The following SLAMF8 variants were observed in gnomAD, a reference collection of about 807,000 sequenced individuals.
SLAMF8 encodes B lymphocyte activator macrophage expressed.
Under a neutral mutation model 29.0 loss-of-function variants are expected in SLAMF8, and 23 were observed. The observed-to-expected ratio is 0.79, with a 90% confidence interval of 0.57 to 1.13. The LOEUF is 1.13. SLAMF8 is among the 50% of genes most tolerant of loss of function. The probability of loss-of-function intolerance (pLI) is 0.00; values close to 1 mark genes in which losing one functional copy is unlikely to be tolerated. For missense variants in SLAMF8, 381 were observed against 353.1 expected, an observed-to-expected ratio of 1.08 and a Z score of -0.63; for synonymous variants, 139 against 145.6, an observed-to-expected ratio of 0.96 and a Z score of 0.32.
Position 159,831,347 on chromosome 1 carries a change from C to T in SLAMF8, c.367+1155C>T, listed in dbSNP as rs6427497. Among the ~76,000 whole-genome samples, 319 of 151,920 alleles carry T rather than the reference C, an allele frequency of 2.1e-3. 1 individual carries two copies. Among genetic ancestry groups the T allele is most frequent in the African/African-American group, 7.0e-3 (290 of 41,356 alleles). On this transcript the variant is annotated intron_variant, in intron 2 of 4. Transcript: ENST00000289707. ...AGACAGCTAACTGGCTGTCCTTGGG[C>T]GAGCCACTCAGGGTGCCGATGCAAT...
Position 159,835,740 on chromosome 1 carries a change from A to T in SLAMF8, c.*480A>T. On this transcript the variant is annotated 3_prime_UTR_variant, in exon 5 of 5. Transcript: ENST00000289707. The stretch of plus-strand genomic sequence containing the variant: ...CATCAGCTTCAGCCCCAGACCCTGC[A>T]GTTTGAGATCTGATGCTTCCTGAGG... 1.0e-6 allele frequency: 1 copy of T among 986,100 alleles called. No individual in the cohort carries two copies. Among genetic ancestry groups the T allele is most frequent in the Non-Finnish European group, 1.2e-6 (1 of 830,396 alleles). The allele number at this position is 986,100 out of a possible 1,614,324, so 61.1% of individuals were successfully genotyped here.
In SLAMF8 at chr1:159,829,983, T is replaced by C; in HGVS notation, c.158T>C (p.Leu53Pro). ...FQVREAIWRSLWPSEELLATF... is the reference protein window; with the variant it reads ...FQVREAIWRSPWPSEELLATF... Reference sequence around the variant, plus strand: ...GTCCGTGAGGCTATCTGGCGATCTCTCTGGCCTTCAGAAGAGCTCCTGGCC... The same window carrying C: ...GTCCGTGAGGCTATCTGGCGATCTCCCTGGCCTTCAGAAGAGCTCCTGGCC... Residue 53 changes from leucine to proline, a missense_variant, in exon 2 of 5, where the codon CTC (leucine) becomes CCC (proline). Transcript: ENST00000289707. 1 of 1,614,276 alleles carries C rather than the reference T, an allele frequency of 6.2e-7. No individual in the cohort carries two copies. Among genetic ancestry groups the C allele is most frequent in the Non-Finnish European group, 8.5e-7 (1 of 1,180,056 alleles).
At position 159,836,853 on chromosome 1, in the gene SLAMF8, C is replaced by A; in HGVS notation, c.*1593C>A. 1 of 985,574 alleles carries A rather than the reference C, an allele frequency of 1.0e-6. No homozygotes were observed. Among genetic ancestry groups the A allele is most frequent in the Non-Finnish European group, 1.2e-6 (1 of 830,006 alleles). 61.1% of individuals were successfully genotyped at this position (985,574 alleles called of 1,614,324 possible). On this transcript the variant is annotated 3_prime_UTR_variant, in exon 5 of 5. Transcript: ENST00000289707. ...CCCACACCCACTTCTCTCCTATCAC[C>A]TTCCCCCAAGATTACCTGAACAGGG...
chr1:159,830,197 G>A lies in SLAMF8; in HGVS notation c.367+5G>A, dbSNP rs762503862. 2.5e-6 allele frequency: 4 copies of A among 1,580,452 alleles called. No homozygotes were observed. Among genetic ancestry groups the A allele is most frequent in the Non-Finnish European group, 3.5e-6 (4 of 1,159,348 alleles). On this transcript the variant is annotated splice_donor_5th_base_variant and intron_variant, in intron 2 of 4. Transcript: ENST00000289707. ...CCCTCCAGCTCAAGGTGTACGGTGA[G>A]TGTGTCTGACACTGGCTGCCTGGCC... is the stretch of plus-strand genomic sequence containing the variant.
Position 159,833,459 on chromosome 1 carries a change from G to A in SLAMF8, c.781+90G>A. 3 of 1,586,064 alleles carry A rather than the reference G, an allele frequency of 1.9e-6. No homozygotes were observed. In the South Asian group the frequency reaches 3.3e-5, roughly 18 times the overall value. ...TGGACCTCCTCCTATTTAGGCTTCA[G>A]ATGGTCTGCCCCTTCCTACCTCTCC... On this transcript the variant is annotated intron_variant, in intron 4 of 4. Transcript: ENST00000289707.
rs776775306 is a variant in SLAMF8 at position 159,826,985 on chromosome 1, C to T, written c.40+47C>T. The T allele has an allele frequency of 3.1e-6, 5 of 1,611,308 alleles. No individual in the cohort carries two copies. In the Admixed American group the frequency reaches 6.7e-5, roughly 21 times the overall value. On this transcript the variant is annotated intron_variant, in intron 1 of 4. Transcript: ENST00000289707. ...CCTGTCCTCGGAGAGCTGAAGGCCC[C>T]TCCCCAGCTGCCTATGCCAGACGTC...
intron 4 of SLAMF8, chr1:159,834,859 T>C: frequency 3.9e-6 from 1 of 255,126 alleles, no homozygotes; most frequent in Non-Finnish European, 7.5e-6. Context: ...AGTAGAAAGC[T>C]CCATGCAGGG....
rs542544172 is a variant in SLAMF8 at position 159,832,116 on chromosome 1, G to A, written c.368-760G>A. 3.9e-5 allele frequency among the ~76,000 whole-genome samples: 6 copies of A among 152,130 alleles called. No homozygotes were observed. The South Asian group carries it at 1.0e-3, about 26-fold the overall frequency. ...TATAGAAAGGGGAATCCATGGCTAG[G>A]ACACCAGGATATCAGTTTGTTCAGT... On this transcript the variant is annotated intron_variant, in intron 2 of 4. Coordinates refer to ENST00000289707, the MANE Select transcript of SLAMF8 (RefSeq NM_020125.3).
intron 1 of SLAMF8, among the ~76,000 whole-genome samples, chr1:159,827,450 G>A (rs4075091): frequency 0.019 from 2,820 of 152,258 alleles, 94 homozygotes; most frequent in African/African-American, 0.064. Context: ...GAGGCTAAAT[G>A]TGGCCCACGT....
Position 159,829,732 on chromosome 1 carries a change from A to G in SLAMF8, c.41-134A>G, listed in dbSNP as rs907845297. 1.0e-5 allele frequency: 9 copies of G among 872,498 alleles called. No individual in the cohort carries two copies. The Admixed American group carries it at 2.1e-4, about 20-fold the overall frequency. The allele number at this position is 872,498 out of a possible 1,614,324, so 54.0% of individuals were successfully genotyped here. On this transcript the variant is annotated intron_variant, in intron 1 of 4. Transcript: ENST00000289707. ...ATATGTTTTATCCCTGGTACCTAGC[A>G]CAGTGCAACCTCAACTTGAGTGGAG...
chr1:159,826,874 A>G lies in SLAMF8; in HGVS notation c.-25A>G. The G allele has an allele frequency of 6.2e-7, 1 of 1,614,028 alleles. No homozygotes were observed. The highest frequency in any genetic ancestry group is 1.3e-5 in the African/African-American group (1 of 75,002). ...GGTTCTGGATTTTGGCTGTCGAGGG[A>G]GTTTGCCTGCCTCTCCAGAGAAAGA... On this transcript the variant is annotated 5_prime_UTR_variant, in exon 1 of 5. Transcript: ENST00000289707.
chr1:159,831,408 C>A (rs1647479322), intron 2 of SLAMF8, among the ~76,000 whole-genome samples: 1 of 151,940 alleles, frequency 6.6e-6, no homozygotes, highest in African/African-American at 2.4e-5. Flanking sequence ...CAGCCCTGAG[C>A]CTCATCTTGG....
chr1:159,832,762 A>G, intron 2 of SLAMF8, 114 bp from the exon 3 acceptor site: 1 of 1,198,168 alleles, frequency 8.3e-7, no homozygotes, highest in Non-Finnish European at 1.2e-6. Flanking sequence ...AGATTTTGGA[A>G]CAAGAGAGGC....
intron 1 of SLAMF8, among the ~76,000 whole-genome samples, chr1:159,828,812 A>AAG (rs971071628): frequency 1.3e-5 from 2 of 151,642 alleles, no homozygotes; most frequent in South Asian, 2.1e-4. Flanking sequence ...GTGATGCTAC[A>AAG]AGAGTGGGCA....
At chr1:159,829,653 A>G (rs1647323694) in intron 1 of SLAMF8, among the ~76,000 whole-genome samples, 1 of 152,176 alleles carries the variant, frequency 6.6e-6, no homozygotes, top group Non-Finnish European at 1.5e-5. Context: ...TGATTTCTTG[A>G]ATGTCTGGCT....
chr1:159,833,064 C>T lies in SLAMF8; in HGVS notation c.556C>T (p.Leu186=). ...PHSLFTDGQV[L]SISLGPGDRD... is the part of the protein sequence containing the mutation. Reference sequence around the variant, plus strand: ...CAGCCTCTTCACAGACGGACAGGTGCTGAGCATTTCCCTGGGACCAGGAGA... The same window carrying T: ...CAGCCTCTTCACAGACGGACAGGTGTTGAGCATTTCCCTGGGACCAGGAGA... Residue 186 remains leucine, a synonymous_variant, in exon 3 of 5, where the codon CTG becomes TTG. Coordinates refer to ENST00000289707, the MANE Select transcript of SLAMF8 (RefSeq NM_020125.3). 6.2e-7 allele frequency: 1 copy of T among 1,614,206 alleles called. No homozygotes were observed. The highest frequency in any genetic ancestry group is 8.5e-7 in the Non-Finnish European group (1 of 1,180,034).
intron 1 of SLAMF8, among the ~76,000 whole-genome samples, chr1:159,828,955 A>G (rs1647259485): frequency 2.6e-5 from 4 of 152,132 alleles, no homozygotes; most frequent in Admixed American, 2.6e-4. Context: ...CCTGTTCTGG[A>G]TCACAGAGAA....
chr1:159,829,842 T>C lies in SLAMF8; in HGVS notation c.41-24T>C, dbSNP rs577205794. On this transcript the variant is annotated intron_variant, in intron 1 of 4. Coordinates refer to ENST00000289707, the MANE Select transcript of SLAMF8 (RefSeq NM_020125.3). ...GATGAGGAGTGTGGGGCAGGCAGAGTGACCAGGGGCTCTGTTCTTTCAGCC... is the reference window on the plus strand; with the variant it reads ...GATGAGGAGTGTGGGGCAGGCAGAGCGACCAGGGGCTCTGTTCTTTCAGCC... 2.2e-5 allele frequency: 34 copies of C among 1,570,598 alleles called. No homozygotes were observed. The East Asian group carries it at 7.4e-4, about 34-fold the overall frequency.
intron 2 of SLAMF8, among the ~76,000 whole-genome samples, chr1:159,830,509 C>A (rs182092897): frequency 6.6e-6 from 1 of 152,268 alleles, no homozygotes; most frequent in African/African-American, 2.4e-5. Context: ...TGTAATATTA[C>A]CATGTAGAGT....
Sources: allele counts gnomAD v4.1 joint callset (sites outside exome capture counted in the v4.1 genomes callset), GRCh38; gene constraint gnomAD v4.1.1; transcripts MANE v1.5; gene names NCBI Gene and HGNC (gene_info 2026-07-23, HGNC 2026-07-21).